The following HUNK variants were observed in gnomAD, a reference collection of about 807,000 sequenced individuals.
The protein encoded by HUNK is hormonally up-regulated neu tumor-associated kinase.
Under a neutral mutation model 61.0 loss-of-function variants are expected in HUNK, and 21 were observed. The ratio of observed to expected loss-of-function variants is 0.34; its 90% CI spans 0.24 to 0.50. The LOEUF (loss-of-function observed/expected upper bound fraction) is 0.50, where lower values mean the gene tolerates loss of function less well. HUNK is among the 20% of genes least tolerant of loss of function. HUNK has a pLI of 0.98. For synonymous variants in HUNK, 371 were observed against 386.1 expected, an observed-to-expected ratio of 0.96 and a Z score of 0.46; for missense variants, 772 against 945.7, an observed-to-expected ratio of 0.82 and a Z score of 2.41.
At chr21:31,900,479 A>ACACACACACACAC (rs57151018) in intron 1 of HUNK, among the ~76,000 whole-genome samples, 20 of 151,582 alleles carry the variant, frequency 1.3e-4, no homozygotes, top group South Asian at 6.3e-4. Context: ...ACACACACAC[A>ACACACACACACAC]AACTCTACTG....
At chr21:31,911,740 AG>A (rs1254547640) in intron 1 of HUNK, among the ~76,000 whole-genome samples, 1 of 151,248 alleles carries the variant, frequency 6.6e-6, no homozygotes, top group Admixed American at 6.6e-5. Flanking sequence ...CAGGAATTTT[AG>A]GGGGGCGTGT....
chr21:31,902,573 T>G (rs1371570890), intron 1 of HUNK, among the ~76,000 whole-genome samples: 1 of 152,182 alleles, frequency 6.6e-6, no homozygotes, highest in Admixed American at 6.5e-5. Flanking sequence ...GTATAGTGTT[T>G]CGTAGGGTCT....
rs754897236 is a variant in HUNK at position 31,972,917 on chromosome 21, G to T, written c.1011-1638G>T. Among the ~76,000 whole-genome samples the T allele has an allele frequency of 4.9e-4, 74 of 152,138 alleles. 2 individuals carry two copies. The highest frequency in any genetic ancestry group is 4.6e-3 in the South Asian group (22 of 4,796). ...GTCAGGAGACCTCGTTCTGCTCTCG[G>T]TGCCCCTGCCAACCGGCCGTGTGCA... On this transcript the variant is annotated intron_variant, in intron 6 of 10. Coordinates refer to ENST00000270112, the MANE Select transcript of HUNK (RefSeq NM_014586.2).
chr21:31,914,767 C>T (rs1221794763), intron 1 of HUNK, among the ~76,000 whole-genome samples: 3 of 152,154 alleles, frequency 2.0e-5, no homozygotes, highest in South Asian at 2.1e-4. Flanking sequence ...GGTGTCTCTT[C>T]TCCTTCTTAT....
At chr21:31,892,772 A>C (rs1464082362) in intron 1 of HUNK, among the ~76,000 whole-genome samples, 1 of 152,142 alleles carries the variant, frequency 6.6e-6, no homozygotes, top group Non-Finnish European at 1.5e-5. Context: ...GAGGAAAAAG[A>C]TGATGGGGAC....
At chr21:31,980,437 C>T (rs572048509) in intron 7 of HUNK, among the ~76,000 whole-genome samples, 111 of 145,526 alleles carry the variant, frequency 7.6e-4, no homozygotes, top group African/African-American at 2.5e-3. Flanking sequence ...AGTGCAGTGG[C>T]GCGATCTTGG....
At chr21:31,966,781 A>C (rs1207123675) in intron 5 of HUNK, among the ~76,000 whole-genome samples, 1 of 152,234 alleles carries the variant, frequency 6.6e-6, no homozygotes, top group African/African-American at 2.4e-5. Context: ...GAAGAGAAGG[A>C]TAGAAAAATC....
intron 2 of HUNK, among the ~76,000 whole-genome samples, chr21:31,939,066 A>C (rs1446015645): frequency 2.0e-5 from 3 of 152,136 alleles, no homozygotes; most frequent in Non-Finnish European, 4.4e-5. Context: ...AGGCGCAGAC[A>C]CCAGAGACAC....
intron 4 of HUNK, among the ~76,000 whole-genome samples, chr21:31,949,578 C>T (rs982062081): frequency 3.3e-5 from 5 of 150,996 alleles, no homozygotes; most frequent in African/African-American, 4.9e-5. Flanking sequence ...AATTTGTGCA[C>T]ACACACACAC....
chr21:31,939,050 A>G (rs1275247674), intron 2 of HUNK, among the ~76,000 whole-genome samples: 1 of 152,186 alleles, frequency 6.6e-6, no homozygotes, highest in East Asian at 1.9e-4. Flanking sequence ...AGGAGCTTAC[A>G]GTCGCAGGCG....
chr21:31,886,392 C>T (rs983106492), intron 1 of HUNK, among the ~76,000 whole-genome samples: 20 of 149,090 alleles, frequency 1.3e-4, no homozygotes, highest in Non-Finnish European at 2.4e-4. Context: ...CGCCATTGTA[C>T]TCCAAACTGG....
rs1359956708 is a variant in HUNK, at chr21:31,974,991, GT to G, written c.1173+276del. ...CTCTTTTTCCTTCAACAGCATCTCT[GT>G]TGTCTTTTTTTTTTTTGTTCTGCTG... On this transcript the variant is annotated intron_variant, in intron 7 of 10. Transcript: ENST00000270112. Among the ~76,000 whole-genome samples the G allele has an allele frequency of 2.0e-5, 3 of 151,190 alleles. No individual in the cohort carries two copies. In the East Asian group the frequency reaches 5.8e-4, roughly 29 times the overall value.
At chr21:31,930,913 C>T (rs73191264) in intron 2 of HUNK, among the ~76,000 whole-genome samples, 8,901 of 151,830 alleles carry the variant, frequency 0.059, 309 homozygotes, top group South Asian at 0.067. Flanking sequence ...TGGAACATTA[C>T]GGGAACTCAA....
intron 1 of HUNK, among the ~76,000 whole-genome samples, chr21:31,917,743 CA>C (rs1568924773): frequency 6.6e-4 from 97 of 146,870 alleles, no homozygotes; most frequent in Admixed American, 2.8e-3. Context: ...CACACACACA[CA>C]CACACACACA....
intron 7 of HUNK, among the ~76,000 whole-genome samples, chr21:31,980,377 TTC>T (rs201203546): frequency 0.054 from 6,858 of 126,046 alleles, 251 homozygotes; most frequent in South Asian, 0.12. Flanking sequence ...GCCTGTCTTC[TTC>T]TTTTTTTTTT....
At chr21:31,974,825 T>G in intron 7 of HUNK, 108 bp downstream of exon 7, 1 of 1,117,732 alleles carries the variant, frequency 8.9e-7, no homozygotes. Flanking sequence ...GCTAATTTAA[T>G]CTAATGTGAG....
Position 31,924,942 on chromosome 21 carries a change from G to A in HUNK, c.554+182G>A, listed in dbSNP as rs1231559313. Among the ~76,000 whole-genome samples the A allele has an allele frequency of 6.6e-6, 1 of 152,088 alleles. No homozygotes were observed. The highest frequency in any genetic ancestry group is 6.5e-5 in the Admixed American group (1 of 15,268). On this transcript the variant is annotated intron_variant, in intron 2 of 10. Coordinates refer to ENST00000270112, the MANE Select transcript of HUNK (RefSeq NM_014586.2). The surrounding 1 kb of genome is among the most constrained non-coding windows in gnomAD (Gnocchi z 5.1). Reference sequence around the variant, plus strand: ...ACGGAGTTTTGTTCTTGTTGCCCAGGCTGGAGTGCAATGGCGCAGTCATGG... The same window carrying A: ...ACGGAGTTTTGTTCTTGTTGCCCAGACTGGAGTGCAATGGCGCAGTCATGG...
At chr21:31,881,284 A>G (rs896723999) in intron 1 of HUNK, among the ~76,000 whole-genome samples, 8 of 152,328 alleles carry the variant, frequency 5.3e-5, no homozygotes, top group African/African-American at 1.9e-4. Context: ...ATGAGTGGTC[A>G]TCATTTCCAT....
intron 3 of HUNK, among the ~76,000 whole-genome samples, chr21:31,942,763 A>G (rs1333123780): frequency 6.6e-6 from 1 of 152,198 alleles, no homozygotes; most frequent in Non-Finnish European, 1.5e-5. Flanking sequence ...CGCACCTGCT[A>G]GAAAGCAGGC....
Sources: allele counts gnomAD v4.1 joint callset (sites outside exome capture counted in the v4.1 genomes callset), GRCh38; gene constraint gnomAD v4.1.1; non-coding constraint Gnocchi (gnomAD v3.1); transcripts MANE v1.5; gene names NCBI Gene and HGNC (gene_info 2026-07-23, HGNC 2026-07-21).